Variants in CTNNA1 observed in about 807,000 individuals in gnomAD.
CTNNA1 encodes catenin alpha-1.
In CTNNA1, 37 loss-of-function variants were observed where a neutral mutation model predicts 98.4. The observed-to-expected ratio is 0.38, with a 90% CI of 0.29 to 0.49. The LOEUF (loss-of-function observed/expected upper bound fraction) is 0.49. CTNNA1 is among the 20% of genes least tolerant of loss of function. The probability of loss-of-function intolerance (pLI) is 0.95; values close to 1 mark genes in which losing one functional copy is unlikely to be tolerated. For synonymous variants in CTNNA1, 404 were observed against 413.2 expected, an observed-to-expected ratio of 0.98 and a Z score of 0.27; for missense variants, 761 against 1,147.2, an observed-to-expected ratio of 0.66 and a Z score of 4.86.
chr5:138,801,203 G>A (rs1447589423), intron 3 of CTNNA1, among the ~76,000 whole-genome samples: 2 of 152,140 alleles, frequency 1.3e-5, no homozygotes, highest in Non-Finnish European at 2.9e-5. Context: ...GTAGTACAGT[G>A]TGTACTACAA....
intron 16 of CTNNA1, chr5:138,932,293 T>C: frequency 8.4e-7 from 1 of 1,192,536 alleles, no homozygotes; most frequent in Non-Finnish European, 1.0e-6. Flanking sequence ...TTCCCCGCCG[T>C]CATAGGAGGG....
intron 1 of CTNNA1, among the ~76,000 whole-genome samples, chr5:138,777,484 C>T (rs62384273): frequency 2.0e-5 from 3 of 151,780 alleles, no homozygotes; most frequent in African/African-American, 7.3e-5. Context: ...GCAATCTCGG[C>T]ACTTTGGGAG....
intron 2 of CTNNA1, among the ~76,000 whole-genome samples, chr5:138,782,785 CA>C (rs1755265947): frequency 1.3e-5 from 2 of 152,290 alleles, no homozygotes; most frequent in South Asian, 4.1e-4. Flanking sequence ...AAATGTTTTG[CA>C]AAGTTTGAAA....
intron 3 of CTNNA1, among the ~76,000 whole-genome samples, chr5:138,809,041 G>A (rs1182928287): frequency 6.6e-6 from 1 of 152,102 alleles, no homozygotes; most frequent in Non-Finnish European, 1.5e-5. Flanking sequence ...CTAGAGTGCA[G>A]TGGTGCAATC....
At chr5:138,829,787 C>T (rs1761078693) in intron 7 of CTNNA1, among the ~76,000 whole-genome samples, 1 of 152,154 alleles carries the variant, frequency 6.6e-6, no homozygotes, top group Non-Finnish European at 1.5e-5. Context: ...CACGGTGGCT[C>T]ACGCCTGTAA....
chr5:138,770,824 C>T (rs556588717), intron 1 of CTNNA1, among the ~76,000 whole-genome samples: 6 of 151,856 alleles, frequency 4.0e-5, no homozygotes, highest in Non-Finnish European at 8.8e-5. Flanking sequence ...TGGTGGTGGG[C>T]GCCTGTAGTC....
rs372991027 is a variant in CTNNA1 at position 138,883,892 on chromosome 5, C to A, written c.1063-2320C>A. 1.1e-4 allele frequency among the ~76,000 whole-genome samples: 16 copies of A among 152,272 alleles called. No individual in the cohort carries two copies. The East Asian group carries it at 1.5e-3, about 15-fold the overall frequency. ...AGTTTTAGCTACCTTTGTCTTAGAT[C>A]CTGGTATTTTGAGCTTTAAGATTGC... On this transcript the variant is annotated intron_variant, in intron 7 of 17. Transcript: ENST00000302763.
At chr5:138,863,728 T>C (rs1764491143) in intron 7 of CTNNA1, among the ~76,000 whole-genome samples, 1 of 152,216 alleles carries the variant, frequency 6.6e-6, no homozygotes, top group Non-Finnish European at 1.5e-5. Flanking sequence ...AAGAGTTTAA[T>C]AATCGCAAGG....
At chr5:138,795,881 A>G (rs1353417169) in intron 3 of CTNNA1, among the ~76,000 whole-genome samples, 1 of 152,166 alleles carries the variant, frequency 6.6e-6, no homozygotes, top group Non-Finnish European at 1.5e-5. Context: ...AAAACTTACA[A>G]TTTTGTATCC....
intron 11 of CTNNA1, 84 bp downstream of exon 11, chr5:138,917,982 A>T (rs10463974): frequency 7.6e-7 from 1 of 1,315,128 alleles, no homozygotes; most frequent in African/African-American, 1.5e-5. Flanking sequence ...AAACACTGCT[A>T]TGTCTTGGCA....
chr5:138,886,113 A>T, intron 7 of CTNNA1, 99 bp from the exon 8 acceptor site: 1 of 1,324,476 alleles, frequency 7.6e-7, no homozygotes, highest in Non-Finnish European at 1.0e-6. Context: ...AAGAAGTTGT[A>T]CTGCTTTTTC....
intron 7 of CTNNA1, chr5:138,875,125 A>G (rs183983764): frequency 1.2e-5 from 6 of 500,122 alleles, no homozygotes; most frequent in Admixed American, 7.6e-5. Flanking sequence ...GATTGCTCTG[A>G]TCCCTAAATC....
At chr5:138,818,028 C>G (rs920406635) in intron 5 of CTNNA1, among the ~76,000 whole-genome samples, 3 of 152,092 alleles carry the variant, frequency 2.0e-5, no homozygotes, top group African/African-American at 7.2e-5. Flanking sequence ...GCCCCCGCCC[C>G]CACAACCAAG....
chr5:138,881,256 G>T (rs1054839606), intron 7 of CTNNA1: 1 of 380,078 alleles, frequency 2.6e-6, no homozygotes, highest in South Asian at 2.0e-5. Context: ...AAAGAATTTG[G>T]GAATACAGGA....
chr5:138,757,127 A>T (rs1276309575), intron 1 of CTNNA1, among the ~76,000 whole-genome samples: 3 of 151,474 alleles, frequency 2.0e-5, no homozygotes, highest in Non-Finnish European at 4.4e-5. Flanking sequence ...TGAGCTTGGG[A>T]GGTGGAGGTT....
chr5:138,919,571 T>TA (rs1247607823), intron 11 of CTNNA1, among the ~76,000 whole-genome samples: 3 of 152,236 alleles, frequency 2.0e-5, no homozygotes, highest in East Asian at 1.9e-4. Flanking sequence ...TTTTAACAGA[T>TA]ACACTGTTGT....
chr5:138,779,879 C>T (rs189391230), intron 1 of CTNNA1, among the ~76,000 whole-genome samples: 2 of 151,884 alleles, frequency 1.3e-5, no homozygotes, highest in African/African-American at 2.4e-5. Context: ...CCACACTGGA[C>T]TAATTTTTGT....
chr5:138,874,064 G>C lies in CTNNA1; in HGVS notation c.1063-12148G>C, dbSNP rs956784446. 6.2e-7 allele frequency: 1 copy of C among 1,613,976 alleles called. No homozygotes were observed. Among genetic ancestry groups the C allele is most frequent in the East Asian group, 2.2e-5 (1 of 44,888 alleles). ...TACTGGGATAGTCCGCAGGGAGTTG[G>C]AACGTAAATGCAAGGTCTGCAGCTT... On this transcript the variant is annotated intron_variant, in intron 7 of 17. Coordinates refer to ENST00000302763, the MANE Select transcript of CTNNA1 (RefSeq NM_001903.5). This position sits in a 1 kb window ranked among gnomAD's most constrained non-coding sequence, Gnocchi z 4.1.
At chr5:138,757,569 T>A (rs1751809078) in intron 1 of CTNNA1, among the ~76,000 whole-genome samples, 1 of 152,214 alleles carries the variant, frequency 6.6e-6, no homozygotes, top group South Asian at 2.1e-4. Flanking sequence ...TGATGAGCTT[T>A]TAGTCATATC....
Sources: gnomAD v4.1 joint callset for allele counts (sites outside exome capture counted in the v4.1 genomes callset) on GRCh38, gnomAD v4.1.1 for gene constraint, Gnocchi (gnomAD v3.1) non-coding constraint, MANE v1.5 for transcripts, NCBI Gene and HGNC (gene_info 2026-07-23, HGNC 2026-07-21) for gene names.